Variants in LYAR observed in about 807,000 individuals in gnomAD.
LYAR encodes the protein cell growth-regulating nucleolar protein.
Under a neutral mutation model 45.2 loss-of-function variants are expected in LYAR, and 37 were observed. That is an observed-to-expected ratio of 0.82 (90% CI 0.63 to 1.08). LYAR has a LOEUF of 1.08. Ranked by LOEUF, LYAR falls within the 50% of genes least tolerant of loss-of-function variation. The pLI is 0.00. For missense variants in LYAR, 493 were observed against 451.0 expected (o/e 1.09, Z -0.84); for synonymous variants, 176 against 155.1 (o/e 1.14, Z -1.00).
In LYAR at chr4:4,267,713, G is replaced by T; in HGVS notation, c.*176C>A. 1 of 479,816 alleles carries T rather than the reference G, an allele frequency of 2.1e-6. No individual in the cohort carries two copies. The highest frequency in any genetic ancestry group is 3.5e-6 in the Non-Finnish European group (1 of 289,020). The allele number at this position is 479,816 out of a possible 1,614,324, so 29.7% of individuals were successfully genotyped here. ...TTGCCACAACAAATTTAGAAGTTTG[G>T]ACCAGAATATATTTTATTTTTCTCA... On this transcript the variant is annotated 3_prime_UTR_variant, in exon 10 of 10. Transcript: ENST00000343470.
chr4:4,279,820 A>G, intron 4 of LYAR, 71 bp from the exon 5 acceptor site: 1 of 1,013,032 alleles, frequency 9.9e-7, no homozygotes, highest in South Asian at 1.4e-5. Flanking sequence ...AGCCAATTGA[A>G]AAAGTCCTTG....
At chr4:4,283,965 T>C (rs2108850603) in intron 2 of LYAR, among the ~76,000 whole-genome samples, 170 bp from the exon 3 acceptor site, 1 of 152,358 alleles carries the variant, frequency 6.6e-6, no homozygotes, top group South Asian at 2.1e-4. Context: ...ACATTAACAA[T>C]GAGAATGGCT....
intron 1 of LYAR, among the ~76,000 whole-genome samples, chr4:4,286,833 G>A (rs1385028522): frequency 6.6e-6 from 1 of 151,914 alleles, no homozygotes; most frequent in Admixed American, 6.6e-5. Context: ...TTTTTTAGTA[G>A]AGATAGATGG....
Position 4,279,627 on chromosome 4 carries a change from A to G in LYAR, c.345+15T>C. 6.2e-7 allele frequency: 1 copy of G among 1,607,900 alleles called. No individual in the cohort carries two copies. Among genetic ancestry groups the G allele is most frequent in the African/African-American group, 1.3e-5 (1 of 74,932 alleles). On this transcript the variant is annotated intron_variant, in intron 5 of 9. Transcript: ENST00000343470. ...GGCCACACGGCCCCCTCCATTCAAG[A>G]AAGTCAATTCATACCTGAAATTTTG...
intron 6 of LYAR, among the ~76,000 whole-genome samples, chr4:4,275,714 T>C (rs1719150967): frequency 1.8e-5 from 1 of 57,068 alleles, no homozygotes; most frequent in Non-Finnish European, 3.6e-5. Context: ...TGTATTTTTT[T>C]TGGGACAGAG....
At position 4,267,740 on chromosome 4, in the gene LYAR, A is replaced by G; in HGVS notation, c.*149T>C. ...CCAGAATATATTTTATTTTTCTCAT[A>G]AAAGTTATACCAAAAATATATTTTC... is the stretch of plus-strand genomic sequence containing the variant. On this transcript the variant is annotated 3_prime_UTR_variant, in exon 10 of 10. Coordinates refer to ENST00000343470, the MANE Select transcript of LYAR (RefSeq NM_017816.3). 1.8e-6 allele frequency: 1 copy of G among 541,232 alleles called. No individual in the cohort carries two copies. Among genetic ancestry groups the G allele is most frequent in the Middle Eastern group, 5.2e-4 (1 of 1,918 alleles). The allele number at this position is 541,232 out of a possible 1,614,324, so 33.5% of individuals were successfully genotyped here.
chr4:4,274,173 G>C (rs550634719), intron 7 of LYAR, among the ~76,000 whole-genome samples, 194 bp downstream of exon 7: 86 of 152,038 alleles, frequency 5.7e-4, no homozygotes, highest in Admixed American at 2.0e-3. Context: ...GGAGGTGGAG[G>C]TTGCAGTGAG....
chr4:4,279,763 AG>A lies in LYAR; in HGVS notation c.238-15del, dbSNP rs749019716. 4.4e-5 allele frequency: 66 copies of A among 1,497,990 alleles called. No homozygotes were observed. The South Asian group carries it at 6.9e-4, about 16-fold the overall frequency. 92.8% of individuals were successfully genotyped at this position (1,497,990 alleles called of 1,614,324 possible). A position where few individuals can be genotyped will look rare whatever the true frequency, so the allele number is the denominator to read the frequency against. On this transcript the variant is annotated splice_polypyrimidine_tract_variant and intron_variant, in intron 4 of 9. Coordinates refer to ENST00000343470, the MANE Select transcript of LYAR (RefSeq NM_017816.3). ...TTCACTAATTTTCTACAAAAAGGGA[AG>A]AAAAAAGAAAAACTATTAATAAACA...
chr4:4,275,341 TTTTG>T (rs1719136088), intron 6 of LYAR, among the ~76,000 whole-genome samples: 1 of 152,052 alleles, frequency 6.6e-6, no homozygotes, highest in African/African-American at 2.4e-5. Flanking sequence ...GTGTGAAGAG[TTTTG>T]TAAATTATCA....
chr4:4,285,270 C>A (rs1018284303), intron 2 of LYAR, among the ~76,000 whole-genome samples: 8 of 152,196 alleles, frequency 5.3e-5, no homozygotes, highest in Admixed American at 4.6e-4. Flanking sequence ...GCACCAAATC[C>A]TCAGGAAGGA....
intron 6 of LYAR, among the ~76,000 whole-genome samples, chr4:4,278,911 C>T (rs1719289974): frequency 1.3e-5 from 2 of 152,206 alleles, no homozygotes; most frequent in East Asian, 1.9e-4. Context: ...TCATTACATA[C>T]TGGGCTGGCA....
rs1006134560 is a variant in LYAR, at chr4:4,274,636, T to A, written c.563A>T (p.Lys188Ile). The change falls in exon 7 of 10, where the codon AAA (lysine) becomes ATA (isoleucine). Residue 188 changes from lysine to isoleucine, a missense_variant. Physicochemically the swap from Lys to Ile is moderately radical, Grantham distance 102. Coordinates refer to ENST00000343470, the MANE Select transcript of LYAR (RefSeq NM_017816.3). The part of the protein sequence containing the change: ...VEQQGEVKKN[K>I]RERKEERQKK... ...CTGCCGTTCTTCCTTTCTTTCTCTT[T>A]TATTCTTCTTCACCTCCCCTTGCTG... 2.5e-6 allele frequency: 4 copies of A among 1,614,192 alleles called. No homozygotes were observed. Among genetic ancestry groups the A allele is most frequent in the Non-Finnish European group, 3.4e-6 (4 of 1,180,034 alleles).
At chr4:4,276,749 C>CG (rs1256284199) in intron 6 of LYAR, among the ~76,000 whole-genome samples, 2 of 144,612 alleles carry the variant, frequency 1.4e-5, no homozygotes, top group Non-Finnish European at 3.0e-5. Flanking sequence ...CCTAGCTACT[C>CG]GGGGGGCTGG....
At position 4,286,531 on chromosome 4, in the gene LYAR, T is replaced by C. The variant is rs959207293; in HGVS notation, c.-66A>G. 1.3e-5 allele frequency: 2 copies of C among 152,072 alleles called. No homozygotes were observed. Among genetic ancestry groups the C allele is most frequent in the South Asian group, 2.1e-4 (1 of 4,820 alleles). 9.4% of individuals were successfully genotyped at this position (152,072 alleles called of 1,614,324 possible). On this transcript the variant is annotated 5_prime_UTR_variant, in exon 2 of 10. The change abolishes an upstream ATG in the 5' untranslated region. Transcript: ENST00000343470. ...ACTACAAACTTACAAAAAGCCGTCA[T>C]GTAGAAATTCAGTCACTCCAATGGA... is the stretch of plus-strand genomic sequence containing the variant.
Position 4,279,740 on chromosome 4 carries a change from C to T in LYAR, c.247G>A (p.Glu83Lys). The part of the protein sequence containing the change: ...KQQAWIQKIS[E>K]LIKRPNVSPK... ...CTGACATTGGGTCTCTTTATTAATT[C>T]ACTAATTTTCTACAAAAAGGGAAGA... Residue 83 changes from glutamate (E) to lysine (K), a missense_variant, in exon 5 of 10, where the codon GAA (glutamate) becomes AAA (lysine). Physicochemically the swap from Glu to Lys is moderately conservative, Grantham distance 56 (BLOSUM62 1). Coordinates refer to ENST00000343470, the MANE Select transcript of LYAR (RefSeq NM_017816.3). The T allele has an allele frequency of 6.3e-7, 1 of 1,589,108 alleles. No individual in the cohort carries two copies. The highest frequency in any genetic ancestry group is 8.6e-7 in the Non-Finnish European group (1 of 1,164,216).
chr4:4,278,660 A>G (rs1267796246), intron 6 of LYAR, among the ~76,000 whole-genome samples: 7 of 152,150 alleles, frequency 4.6e-5, no homozygotes, highest in Non-Finnish European at 1.5e-5. Context: ...GATACTTTAG[A>G]TTTTTTTGTT....
intron 6 of LYAR, among the ~76,000 whole-genome samples, chr4:4,277,034 T>C (rs1719210146): frequency 1.3e-5 from 2 of 152,148 alleles, no homozygotes; most frequent in Non-Finnish European, 2.9e-5. Flanking sequence ...CGATATCTTC[T>C]AGTAAAATAT....
At chr4:4,288,317 C>G (rs981304026) in intron 1 of LYAR, among the ~76,000 whole-genome samples, 4 of 152,128 alleles carry the variant, frequency 2.6e-5, no homozygotes, top group Non-Finnish European at 4.4e-5. Flanking sequence ...ATCAACCCAC[C>G]CATTTATGTT....
intron 4 of LYAR, 122 bp from the exon 5 acceptor site, chr4:4,279,871 T>C: frequency 1.6e-6 from 1 of 636,662 alleles, no homozygotes; most frequent in Non-Finnish European, 2.8e-6. Context: ...AGATTCTGTA[T>C]TTATGTCTAT....
Sources: gnomAD v4.1 joint callset for allele counts (sites outside exome capture counted in the v4.1 genomes callset) on GRCh38, gnomAD v4.1.1 for gene constraint, MANE v1.5 for transcripts, NCBI Gene and HGNC (gene_info 2026-07-23, HGNC 2026-07-21) for gene names.